The following TBC1D5 variants were observed in gnomAD, a reference collection of about 807,000 sequenced individuals.
TBC1D5 encodes TBC1 domain family, member 5.
In TBC1D5, 75 loss-of-function variants were observed where a neutral mutation model predicts 100.3. The observed-to-expected ratio is 0.75, with a 90% CI of 0.62 to 0.91. The LOEUF is 0.91. TBC1D5 is among the 40% of genes least tolerant of loss of function. TBC1D5 has a pLI of 0.00. For missense variants in TBC1D5, 910 were observed against 942.4 expected (o/e 0.97, Z 0.45); for synonymous variants, 323 against 325.6 (o/e 0.99, Z 0.09).
At chr3:17,509,455 T>C (rs1252440053) in intron 2 of TBC1D5, among the ~76,000 whole-genome samples, 3 of 152,176 alleles carry the variant, frequency 2.0e-5, no homozygotes, top group Non-Finnish European at 2.9e-5. Context: ...TTGTACCTAA[T>C]AGAACAATTC....
chr3:17,694,341 A>C (rs2071660547), intron 1 of TBC1D5, among the ~76,000 whole-genome samples: 1 of 152,204 alleles, frequency 6.6e-6, no homozygotes, highest in Non-Finnish European at 1.5e-5. Flanking sequence ...GGAAGCTAAA[A>C]ACCTTGAAAA....
chr3:17,222,959 ATT>A, intron 17 of TBC1D5, among the ~76,000 whole-genome samples: 1 of 151,868 alleles, frequency 6.6e-6, no homozygotes, highest in East Asian at 1.9e-4. Flanking sequence ...ACTTTTTTTC[ATT>A]TTCTTCCAAA....
intron 3 of TBC1D5, among the ~76,000 whole-genome samples, chr3:17,488,182 T>C (rs1490679082): frequency 1.3e-5 from 2 of 152,192 alleles, no homozygotes; most frequent in African/African-American, 4.8e-5. Context: ...GTTTTTACCG[T>C]CTCCTTAGTT....
chr3:17,682,822 A>C (rs1255946748), intron 1 of TBC1D5, among the ~76,000 whole-genome samples: 1 of 151,518 alleles, frequency 6.6e-6, no homozygotes, highest in African/African-American at 2.5e-5. Flanking sequence ...AGTCTTTCTA[A>C]CTTAAAAACT....
intron 1 of TBC1D5, among the ~76,000 whole-genome samples, chr3:17,664,341 A>G (rs1286471535): frequency 6.6e-6 from 1 of 152,300 alleles, no homozygotes; most frequent in East Asian, 1.9e-4. Context: ...AAGTGCTGGG[A>G]TTACAGGTGT....
chr3:17,591,093 A>C (rs2096764549), intron 2 of TBC1D5, among the ~76,000 whole-genome samples: 1 of 151,498 alleles, frequency 6.6e-6, no homozygotes, highest in Non-Finnish European at 1.5e-5. Context: ...AAAATTAGCC[A>C]GGTGTGGTGG....
intron 1 of TBC1D5, among the ~76,000 whole-genome samples, chr3:17,639,247 T>C (rs981670889): frequency 7.2e-5 from 11 of 152,148 alleles, no homozygotes; most frequent in Non-Finnish European, 1.2e-4. Context: ...AAAAACATTA[T>C]GCTCTGGACA....
At chr3:17,198,919 G>A (rs958525162) in intron 18 of TBC1D5, among the ~76,000 whole-genome samples, 14 of 152,190 alleles carry the variant, frequency 9.2e-5, no homozygotes, top group African/African-American at 2.9e-4. Flanking sequence ...CCATTCTAAC[G>A]TATGGTCGGG....
At chr3:17,188,730 C>G (rs769360163) in intron 18 of TBC1D5, among the ~76,000 whole-genome samples, 1 of 152,146 alleles carries the variant, frequency 6.6e-6, no homozygotes, top group African/African-American at 2.4e-5. Context: ...ACTGTGGGAA[C>G]TGACTTTACA....
chr3:17,665,062 A>T (rs1560412732), intron 1 of TBC1D5: 1 of 98,852 alleles, frequency 1.0e-5, no homozygotes, highest in Non-Finnish European at 2.1e-5. Flanking sequence ...GGAAGAAGAA[A>T]GGAAAAAAAA....
rs566544797 is a variant in TBC1D5, at chr3:17,341,174, T to C, written c.995+30901A>G. On this transcript the variant is annotated intron_variant, in intron 13 of 21. Transcript: ENST00000253692. ...TGAGTGATTACTATGTTGAGCACTTTACATGTAGCTCTTTATTAAATTCTG... is the reference window on the plus strand; with the variant it reads ...TGAGTGATTACTATGTTGAGCACTTCACATGTAGCTCTTTATTAAATTCTG... Among the ~76,000 whole-genome samples, 5 of 152,328 alleles carry C rather than the reference T, an allele frequency of 3.3e-5. No individual in the cohort carries two copies. In the East Asian group the frequency reaches 5.8e-4, roughly 18 times the overall value.
At chr3:17,369,473 G>A (rs996434317) in intron 13 of TBC1D5, among the ~76,000 whole-genome samples, 11 of 152,066 alleles carry the variant, frequency 7.2e-5, no homozygotes, top group African/African-American at 2.7e-4. Flanking sequence ...CCATTTCACA[G>A]ATGAAAAAAC....
chr3:17,583,157 C>T (rs976011777), intron 2 of TBC1D5, among the ~76,000 whole-genome samples: 12 of 151,816 alleles, frequency 7.9e-5, no homozygotes, highest in African/African-American at 1.9e-4. Flanking sequence ...TGGTGGCTCA[C>T]GCTTGAGGTC....
chr3:17,408,373 A>G (rs908753353), intron 4 of TBC1D5, among the ~76,000 whole-genome samples: 18 of 151,676 alleles, frequency 1.2e-4, no homozygotes, highest in African/African-American at 4.1e-4. Flanking sequence ...CAGTGATGCA[A>G]CCACAGCTCA....
intron 2 of TBC1D5, among the ~76,000 whole-genome samples, chr3:17,512,472 A>G (rs2095922781): frequency 6.6e-6 from 1 of 152,154 alleles, no homozygotes; most frequent in Admixed American, 6.5e-5. Flanking sequence ...CATACAGAGA[A>G]AAGAATATAA....
intron 3 of TBC1D5, among the ~76,000 whole-genome samples, chr3:17,468,765 T>C (rs994607214): frequency 2.0e-5 from 3 of 152,192 alleles, no homozygotes; most frequent in East Asian, 1.9e-4. Context: ...CCTTTGAAAC[T>C]GCAGGCTGTT....
At position 17,173,482 on chromosome 3, in the gene TBC1D5, G is replaced by A. The variant is rs139224410; in HGVS notation, c.1853-5654C>T. 3.4e-3 allele frequency among the ~76,000 whole-genome samples: 512 copies of A among 152,262 alleles called. 1 individual carries two copies. Among genetic ancestry groups the A allele is most frequent in the Middle Eastern group, 6.8e-3 (2 of 294 alleles). On this transcript the variant is annotated intron_variant, in intron 19 of 21. Transcript: ENST00000253692. ...TTGGAGCACTGGCAATGGTACCAAA[G>A]GGCTTGGGTTTTGATGACCCTGAGA...
At chr3:17,463,943 CTT>C (rs1025162858) in intron 3 of TBC1D5, among the ~76,000 whole-genome samples, 18 of 87,526 alleles carry the variant, frequency 2.1e-4, no homozygotes, top group African/African-American at 6.6e-4. Flanking sequence ...TTCCTTATTC[CTT>C]TTTTTTTTTT....
At chr3:17,237,006 T>C (rs1314678667) in intron 17 of TBC1D5, among the ~76,000 whole-genome samples, 1 of 152,194 alleles carries the variant, frequency 6.6e-6, no homozygotes. Flanking sequence ...AACTTAAGTT[T>C]ACCGATTTAA....
Sources: allele counts gnomAD v4.1 joint callset (sites outside exome capture counted in the v4.1 genomes callset), GRCh38; gene constraint gnomAD v4.1.1; transcripts MANE v1.5; gene names NCBI Gene and HGNC (gene_info 2026-07-23, HGNC 2026-07-21).